The following SWT1 variants were observed in gnomAD, a reference collection of about 807,000 sequenced individuals.
The protein encoded by SWT1 is SWT1 RNA endoribonuclease homolog, also known as transcriptional protein SWT1.
In SWT1, 33 loss-of-function variants were observed where a neutral mutation model predicts 107.3. The ratio of observed to expected loss-of-function variants is 0.31; its 90% confidence interval spans 0.23 to 0.41. The LOEUF (loss-of-function observed/expected upper bound fraction) is 0.41, where lower values mean the gene tolerates loss of function less well. Ranked by LOEUF, SWT1 falls within the 10% of genes least tolerant of loss-of-function variation. The pLI, the probability that SWT1 is intolerant of heterozygous loss-of-function variation, is 1.00. For missense variants in SWT1, 898 were observed against 1,028.9 expected (o/e 0.87, Z 1.74); for synonymous variants, 345 against 348.3 (o/e 0.99, Z 0.11).
Position 185,206,637 on chromosome 1 carries a change from A to G in SWT1, c.1846A>G (p.Lys616Glu). ...ACATACTCTTTAGATCCTGTACCTG[A>G]AACCACCATGGACTCTACTACATTT... ...GNLWMEILYL[K>E]PPWTLLHLLQ... is the part of the protein sequence containing the mutation. Residue 616 changes from lysine (K) to glutamate (E), a missense_variant, in exon 13 of 19, where the codon AAA (lysine) becomes GAA (glutamate). This residue lies in a region of SWT1 where 382 missense variants were observed against 460.0 expected (regional missense o/e 0.83). Transcript: ENST00000367500. 6.4e-7 allele frequency: 1 copy of G among 1,551,816 alleles called. No individual in the cohort carries two copies. Among genetic ancestry groups the G allele is most frequent in the Non-Finnish European group, 8.7e-7 (1 of 1,153,330 alleles).
chr1:185,211,188 A>T (rs1658772168), intron 13 of SWT1, among the ~76,000 whole-genome samples: 1 of 152,174 alleles, frequency 6.6e-6, no homozygotes, highest in South Asian at 2.1e-4. Flanking sequence ...ATTGGAAAAA[A>T]ATACTTTAAA....
Position 185,235,584 on chromosome 1 carries a change from C to T in SWT1, c.2441+3876C>T, listed in dbSNP as rs540002697. Among the ~76,000 whole-genome samples the T allele has an allele frequency of 1.8e-3, 278 of 152,204 alleles. 2 individuals are homozygous for T. Among genetic ancestry groups the T allele is most frequent in the African/African-American group, 4.8e-3 (198 of 41,516 alleles). On this transcript the variant is annotated intron_variant, in intron 16 of 18. Coordinates refer to ENST00000367500, the MANE Select transcript of SWT1 (RefSeq NM_017673.7). ...ATCTCAAAATAATAAGAGCTATTTA[C>T]GACAAACCCATAGCCAGTATCATAC...
At chr1:185,187,824 G>C (rs1375675024) in intron 9 of SWT1, among the ~76,000 whole-genome samples, 1 of 152,116 alleles carries the variant, frequency 6.6e-6, no homozygotes, top group Admixed American at 6.6e-5. Flanking sequence ...GAGTAGCTGG[G>C]ATTACAGGCA....
chr1:185,168,267 T>C, intron 3 of SWT1, 73 bp from the exon 4 acceptor site: 2 of 872,456 alleles, frequency 2.3e-6, no homozygotes, highest in Non-Finnish European at 3.2e-6. Flanking sequence ...TGTCAGCCTA[T>C]TCACTATCAT....
intron 16 of SWT1, among the ~76,000 whole-genome samples, chr1:185,253,464 A>G (rs1375760629): frequency 6.6e-6 from 1 of 151,284 alleles, no homozygotes; most frequent in Non-Finnish European, 1.5e-5. Flanking sequence ...TTCCTTGAGC[A>G]GTGGTTTGTA....
intron 2 of SWT1, among the ~76,000 whole-genome samples, chr1:185,164,690 G>A (rs1012173235): frequency 6.6e-6 from 1 of 152,148 alleles, no homozygotes; most frequent in Non-Finnish European, 1.5e-5. Context: ...CCTCACATCT[G>A]TGAGCCTTCA....
At chr1:185,212,532 G>A (rs1252593419) in intron 13 of SWT1, among the ~76,000 whole-genome samples, 2 of 152,156 alleles carry the variant, frequency 1.3e-5, no homozygotes, top group Non-Finnish European at 2.9e-5. Flanking sequence ...AGAATCTGAT[G>A]CCTAACGTTT....
At chr1:185,259,838 A>G (rs936501812) in intron 16 of SWT1, among the ~76,000 whole-genome samples, 19 of 152,132 alleles carry the variant, frequency 1.2e-4, no homozygotes, top group Admixed American at 2.0e-4. Context: ...CTGAAACACA[A>G]TTGGACAGAT....
chr1:185,194,763 G>A (rs180962030), intron 10 of SWT1, among the ~76,000 whole-genome samples: 2 of 152,008 alleles, frequency 1.3e-5, no homozygotes, highest in Non-Finnish European at 2.9e-5. Flanking sequence ...TTTCATCTCT[G>A]TGAAACTGCT....
chr1:185,254,295 A>G (rs1464107270), intron 16 of SWT1, among the ~76,000 whole-genome samples: 1 of 131,530 alleles, frequency 7.6e-6, no homozygotes, highest in Non-Finnish European at 1.6e-5. Flanking sequence ...TGGCCTCATA[A>G]AAAGAGTTAG....
chr1:185,278,858 G>A (rs2102761646), intron 18 of SWT1, among the ~76,000 whole-genome samples: 1 of 152,248 alleles, frequency 6.6e-6, no homozygotes, highest in African/African-American at 2.4e-5. Context: ...ACTTACCTGT[G>A]TACCTGTGTG....
Position 185,175,133 on chromosome 1 carries a change from A to G in SWT1, c.966+20A>G. On this transcript the variant is annotated intron_variant, in intron 5 of 18. Coordinates refer to ENST00000367500, the MANE Select transcript of SWT1 (RefSeq NM_017673.7). ...ACCCAGGTAAGGTAGTAAAAAATGAAGAATATAGGTTTTAACTGAGAGTTT... is the reference window on the plus strand; with the variant it reads ...ACCCAGGTAAGGTAGTAAAAAATGAGGAATATAGGTTTTAACTGAGAGTTT... 1.4e-6 allele frequency: 2 copies of G among 1,472,788 alleles called. No individual in the cohort carries two copies. The highest frequency in any genetic ancestry group is 3.0e-5 in the South Asian group (2 of 65,656). The allele number at this position is 1,472,788 out of a possible 1,614,324, so 91.2% of individuals were successfully genotyped here.
intron 17 of SWT1, among the ~76,000 whole-genome samples, chr1:185,274,319 A>G (rs1038346085): frequency 1.3e-5 from 2 of 148,190 alleles, no homozygotes; most frequent in African/African-American, 4.9e-5. Flanking sequence ...TTATATATAT[A>G]TTATATATAG....
chr1:185,218,600 C>T (rs1266433182), intron 14 of SWT1, among the ~76,000 whole-genome samples: 1 of 152,178 alleles, frequency 6.6e-6, no homozygotes, highest in Non-Finnish European at 1.5e-5. Flanking sequence ...CATGAACCGT[C>T]ATGCCCTGCC....
chr1:185,271,279 T>C (rs1663838390), intron 16 of SWT1, 44 bp from the exon 17 acceptor site: 1 of 1,063,378 alleles, frequency 9.4e-7, no homozygotes, highest in Non-Finnish European at 1.5e-6. Flanking sequence ...TGGTTTTTTC[T>C]GAAATCATTT....
Position 185,190,499 on chromosome 1 carries a change from A to T in SWT1, c.1430-50A>T, listed in dbSNP as rs760605646. ...ATACAGCCTAGATTATTTCTGTGTCACCCACATTTCTAGTGTACTTACTGA... is the reference window on the plus strand; with the variant it reads ...ATACAGCCTAGATTATTTCTGTGTCTCCCACATTTCTAGTGTACTTACTGA... On this transcript the variant is annotated intron_variant, in intron 9 of 18. Coordinates refer to ENST00000367500, the MANE Select transcript of SWT1 (RefSeq NM_017673.7). 4.9e-6 allele frequency: 5 copies of T among 1,016,308 alleles called. No homozygotes were observed. In the East Asian group the frequency reaches 1.2e-4, roughly 24 times the overall value. 63.0% of individuals were successfully genotyped at this position (1,016,308 alleles called of 1,614,324 possible).
In SWT1 at chr1:185,202,742, T is replaced by A; in HGVS notation, c.1612T>A (p.Ser538Thr). 6.3e-7 allele frequency: 1 copy of A among 1,598,870 alleles called. No individual in the cohort carries two copies. Among genetic ancestry groups the A allele is most frequent in the Non-Finnish European group, 8.5e-7 (1 of 1,171,310 alleles). Residue 538 changes from serine (S) to threonine (T), a missense_variant, in exon 11 of 19, where the codon TCT (serine) becomes ACT (threonine). Around this residue, in one of 6 missense-constraint regions of SWT1, gnomAD observed 382 missense variants for 460.0 expected, o/e 0.83. Transcript: ENST00000367500. ...ATTGAGTGCAGAGTTATTACACTTATCTCTGAACACAGATGTGTGTCATCA... is the reference window on the plus strand; with the variant it reads ...ATTGAGTGCAGAGTTATTACACTTAACTCTGAACACAGATGTGTGTCATCA... ...EELSAELLHL[S>T]LNTDVCHQPC...
intron 16 of SWT1, among the ~76,000 whole-genome samples, chr1:185,242,920 A>G (rs1661345238): frequency 6.6e-6 from 1 of 152,228 alleles, no homozygotes; most frequent in Non-Finnish European, 1.5e-5. Context: ...AAGAAATGAA[A>G]TTAGGGAGAA....
At chr1:185,233,463 C>T (rs1558061265) in intron 16 of SWT1, among the ~76,000 whole-genome samples, 1 of 152,170 alleles carries the variant, frequency 6.6e-6, no homozygotes, top group Non-Finnish European at 1.5e-5. Flanking sequence ...CCTCTACACA[C>T]TGCTTTAAAT....
Sources: allele counts gnomAD v4.1 joint callset (sites outside exome capture counted in the v4.1 genomes callset), GRCh38; gene constraint gnomAD v4.1.1; regional missense constraint gnomAD v4.1.1; transcripts MANE v1.5; gene names NCBI Gene and HGNC (gene_info 2026-07-23, HGNC 2026-07-21).